The following TAF2 variants were observed in gnomAD, a reference collection of about 807,000 sequenced individuals.
TAF2 encodes transcription initiation factor TFIID subunit 2.
TAF2 carries 61 observed loss-of-function variants against 138.5 expected under a neutral mutation model. The ratio of observed to expected loss-of-function variants is 0.44; its 90% CI spans 0.36 to 0.54. TAF2 has a LOEUF of 0.54. Among genes scored for constraint, TAF2 ranks in the 20% least tolerant of loss-of-function variants. The pLI is 0.00. For missense variants in TAF2, 1,090 were observed against 1,427.9 expected (o/e 0.76, Z 3.81); for synonymous variants, 475 against 469.9 (o/e 1.01, Z -0.14).
At chr8:119,816,184 G>A (rs12156318) in intron 3 of TAF2, among the ~76,000 whole-genome samples, 35,036 of 151,082 alleles carry the variant, frequency 0.23, 4,329 homozygotes, top group Middle Eastern at 0.36. Context: ...CCAAGTAGCT[G>A]GGACTACAGG....
chr8:119,813,288 GAT>G lies in TAF2; in HGVS notation c.299+6056_299+6057del, dbSNP rs1460959547. ...CATGTTGCTTTAATGTGTTTTATCTGATATAAAAGAATAGCTACTCCTGCTAT... is the reference window on the plus strand; with the variant it reads ...CATGTTGCTTTAATGTGTTTTATCTGATAAAAGAATAGCTACTCCTGCTAT... On this transcript the variant is annotated intron_variant, in intron 3 of 25. Coordinates refer to ENST00000378164, the MANE Select transcript of TAF2 (RefSeq NM_003184.4). Among the ~76,000 whole-genome samples, 6 of 152,236 alleles carry G rather than the reference GAT, an allele frequency of 3.9e-5. No homozygotes were observed. The South Asian group carries it at 1.0e-3, about 26-fold the overall frequency.
chr8:119,831,787 C>G, intron 1 of TAF2, 56 bp from the exon 2 acceptor site: 2 of 1,163,290 alleles, frequency 1.7e-6, no homozygotes, highest in South Asian at 3.2e-5. Flanking sequence ...ATTATTAAAT[C>G]AAAGTATAAT....
rs777476495 is a variant in TAF2, at chr8:119,793,346, T to C, written c.1277+20A>G. 1.3e-6 allele frequency: 2 copies of C among 1,580,190 alleles called. No homozygotes were observed. The highest frequency in any genetic ancestry group is 1.1e-5 in the South Asian group (1 of 90,360). ...TATATAGTCAAGGTTTATAATATCATCTCTGAACAATAAACATACTTATCC... is the reference window on the plus strand; with the variant it reads ...TATATAGTCAAGGTTTATAATATCACCTCTGAACAATAAACATACTTATCC... On this transcript the variant is annotated intron_variant, in intron 10 of 25. Transcript: ENST00000378164.
intron 3 of TAF2, among the ~76,000 whole-genome samples, chr8:119,814,948 G>A (rs1045655869): frequency 1.3e-5 from 2 of 150,098 alleles, no homozygotes; most frequent in African/African-American, 4.9e-5. Flanking sequence ...GCTTCTCAAA[G>A]TGGCAAAGCC....
intron 25 of TAF2, among the ~76,000 whole-genome samples, chr8:119,735,913 A>G (rs1365916014): frequency 6.6e-6 from 1 of 152,234 alleles, no homozygotes; most frequent in Admixed American, 6.5e-5. Context: ...AAATTCTTTT[A>G]GCTTCCATCT....
At position 119,731,527 on chromosome 8, in the gene TAF2, G is replaced by A. The variant is rs1818877599; in HGVS notation, c.*397C>T. On this transcript the variant is annotated 3_prime_UTR_variant, in exon 26 of 26. Transcript: ENST00000378164. ...AGATAGTGGTTGCACCACAGATTTG[G>A]CAGTTGCTTCTGTGTAAATCATAAC... is the stretch of plus-strand genomic sequence containing the variant. The A allele has an allele frequency of 8.4e-6, 2 of 237,436 alleles. No individual in the cohort carries two copies. Among genetic ancestry groups the A allele is most frequent in the Non-Finnish European group, 1.7e-5 (2 of 119,498 alleles). 14.7% of individuals were successfully genotyped at this position (237,436 alleles called of 1,614,324 possible).
intron 1 of TAF2, 141 bp downstream of exon 1, chr8:119,832,341 A>G: frequency 1.3e-6 from 1 of 754,960 alleles, no homozygotes; most frequent in East Asian, 2.7e-5. Context: ...TTTACCTTAC[A>G]AACACCATTT....
chr8:119,754,712 G>C (rs1586328359), intron 22 of TAF2, among the ~76,000 whole-genome samples: 1 of 151,662 alleles, frequency 6.6e-6, no homozygotes, highest in South Asian at 2.1e-4. Context: ...AATATCCACT[G>C]CTCTCCCACT....
rs1392786106 is a variant in TAF2, at chr8:119,791,137, CAA to C, written c.1413+185_1413+186del. On this transcript the variant is annotated intron_variant, in intron 11 of 25. Coordinates refer to ENST00000378164, the MANE Select transcript of TAF2 (RefSeq NM_003184.4). ...ATTATATCTTCATAAAATTCATGTG[CAA>C]AGTTGTTCTGGTATTGATACCCATT... 6.6e-5 allele frequency among the ~76,000 whole-genome samples: 10 copies of C among 152,066 alleles called. No individual in the cohort carries two copies. In the East Asian group the frequency reaches 1.5e-3, roughly 23 times the overall value.
chr8:119,828,510 C>T (rs1826238107), intron 2 of TAF2, among the ~76,000 whole-genome samples: 1 of 152,138 alleles, frequency 6.6e-6, no homozygotes, highest in Admixed American at 6.5e-5. Flanking sequence ...GCAACAGAAA[C>T]TGCAACAACC....
rs751147458 is a variant in TAF2, at chr8:119,791,461, T to TA, written c.1278-3dup. ...GAAAAGTGTAGATGGGAAGCCGGAC[T>TA]AAAAAAAATAAACACATTTACCTAA... On this transcript the variant is annotated splice_region_variant and splice_polypyrimidine_tract_variant and intron_variant, in intron 10 of 25. Coordinates refer to ENST00000378164, the MANE Select transcript of TAF2 (RefSeq NM_003184.4). 6.2e-6 allele frequency: 10 copies of TA among 1,611,240 alleles called. No homozygotes were observed. The highest frequency in any genetic ancestry group is 1.7e-4 in the Middle Eastern group (1 of 6,034).
intron 3 of TAF2, among the ~76,000 whole-genome samples, chr8:119,809,078 ATCT>A (rs1283614058): frequency 6.6e-6 from 1 of 152,214 alleles, no homozygotes; most frequent in Non-Finnish European, 1.5e-5. Flanking sequence ...TCCAGATAGC[ATCT>A]TCTTCTAGTA....
intron 18 of TAF2, among the ~76,000 whole-genome samples, chr8:119,773,878 A>T (rs1377314035): frequency 1.3e-5 from 2 of 151,644 alleles, no homozygotes; most frequent in Admixed American, 1.4e-4. Flanking sequence ...TCTTATTAAA[A>T]ATATTGTTCT....
chr8:119,779,210 T>C (rs1037066465), intron 17 of TAF2, among the ~76,000 whole-genome samples: 2 of 150,572 alleles, frequency 1.3e-5, no homozygotes, highest in Non-Finnish European at 3.0e-5. Flanking sequence ...TTTTTGACAG[T>C]AGCTAACAGG....
intron 2 of TAF2, among the ~76,000 whole-genome samples, chr8:119,826,861 T>C (rs13249605): frequency 0.099 from 15,012 of 152,160 alleles, 1,025 homozygotes; most frequent in Non-Finnish European, 0.15. Flanking sequence ...GCTGGGGTTA[T>C]AGGCGTGAGC....
intron 18 of TAF2, among the ~76,000 whole-genome samples, chr8:119,776,464 C>T (rs1487133156): frequency 6.7e-6 from 1 of 148,568 alleles, no homozygotes; most frequent in African/African-American, 2.5e-5. Context: ...GGGCGGATCA[C>T]AAGGTCAGGA....
intron 19 of TAF2, 135 bp from the exon 20 acceptor site, chr8:119,760,873 A>G: frequency 8.8e-7 from 1 of 1,138,462 alleles, no homozygotes; most frequent in Non-Finnish European, 1.3e-6. Flanking sequence ...CAATTTTGTA[A>G]TAGAGTCACA....
intron 3 of TAF2, among the ~76,000 whole-genome samples, chr8:119,807,384 CA>C (rs1477291716): frequency 6.6e-6 from 1 of 152,074 alleles, no homozygotes; most frequent in Non-Finnish European, 1.5e-5. Context: ...TCCATAAAAG[CA>C]ACTTATATGT....
rs781604790 is a variant in TAF2 at position 119,742,726 on chromosome 8, C to T, written c.3215-70G>A. 9 of 1,573,702 alleles carry T rather than the reference C, an allele frequency of 5.7e-6. No individual in the cohort carries two copies. In the African/African-American group the frequency reaches 6.8e-5, roughly 12 times the overall value. On this transcript the variant is annotated intron_variant, in intron 24 of 25. Transcript: ENST00000378164. ...TTCCCAAAAGAAAAAAAAAGGCTGA[C>T]AGGTTTTTATAAGCTAGCCTTAAAG...
Sources: gnomAD v4.1 joint callset for allele counts (sites outside exome capture counted in the v4.1 genomes callset) on GRCh38, gnomAD v4.1.1 for gene constraint, MANE v1.5 for transcripts, NCBI Gene and HGNC (gene_info 2026-07-23, HGNC 2026-07-21) for gene names.